The following NEDD4L variants were observed in gnomAD, a reference collection of about 807,000 sequenced individuals.
NEDD4L encodes E3 ubiquitin-protein ligase NEDD4-like.
Under a neutral mutation model 148.9 loss-of-function variants are expected in NEDD4L, and 54 were observed. The observed-to-expected ratio is 0.36, with a 90% confidence interval of 0.29 to 0.45. The LOEUF (loss-of-function observed/expected upper bound fraction) is 0.45, where lower values mean the gene tolerates loss of function less well. Among genes scored for constraint, NEDD4L ranks in the 20% least tolerant of loss-of-function variants. The pLI is 1.00. For synonymous variants in NEDD4L, 433 were observed against 440.7 expected (o/e 0.98, Z 0.22); for missense variants, 856 against 1,233.8 (o/e 0.69, Z 4.59).
intron 5 of NEDD4L, among the ~76,000 whole-genome samples, chr18:58,255,197 C>A (rs1249310685): frequency 6.6e-6 from 1 of 152,144 alleles, no homozygotes; most frequent in Non-Finnish European, 1.5e-5. Context: ...AGATTTATAG[C>A]AGCGTGGCTT....
At chr18:58,192,650 C>T (rs1247280875) in intron 2 of NEDD4L, among the ~76,000 whole-genome samples, 1 of 152,112 alleles carries the variant, frequency 6.6e-6, no homozygotes, top group African/African-American at 2.4e-5. Flanking sequence ...ATGCAGGCAT[C>T]TGTGCTGTCT....
intron 2 of NEDD4L, among the ~76,000 whole-genome samples, chr18:58,174,267 G>A (rs150622552): frequency 6.6e-6 from 1 of 152,070 alleles, no homozygotes; most frequent in African/African-American, 2.4e-5. Context: ...GCAGGCTGCA[G>A]GTAGTATTGG....
chr18:58,328,031 C>G (rs568485593), intron 9 of NEDD4L, among the ~76,000 whole-genome samples: 27 of 151,676 alleles, frequency 1.8e-4, no homozygotes, highest in African/African-American at 6.0e-4. Context: ...GACATGATCT[C>G]TCAGCTCACT....
chr18:58,250,602 G>A (rs951959713), intron 4 of NEDD4L, among the ~76,000 whole-genome samples: 4 of 152,060 alleles, frequency 2.6e-5, no homozygotes, highest in African/African-American at 7.2e-5. Flanking sequence ...GGCAGACCAC[G>A]GACCAGAAGC....
At position 58,384,254 on chromosome 18, in the gene NEDD4L, C is replaced by T. The variant is rs143579432; in HGVS notation, c.2426+935C>T. ...CCTTCCTAATTAGGAAGAAACGGAG[C>T]GTGTTAGAGTCTCTACTCAGAGATC... On this transcript the variant is annotated intron_variant, in intron 25 of 30. Transcript: ENST00000400345. Among the ~76,000 whole-genome samples, 1,201 of 152,294 alleles carry T rather than the reference C, an allele frequency of 7.9e-3. 21 individuals carry two copies. The highest frequency in any genetic ancestry group is 0.027 in the African/African-American group (1,141 of 41,560).
At chr18:58,343,179 G>T (rs1280371124) in intron 16 of NEDD4L, 76 bp downstream of exon 16, 3 of 1,226,132 alleles carry the variant, frequency 2.4e-6, no homozygotes, top group Non-Finnish European at 2.2e-6. Flanking sequence ...CTTAGTGTTT[G>T]TAGTTCTTGC....
intron 22 of NEDD4L, among the ~76,000 whole-genome samples, chr18:58,368,544 G>T (rs565797434): frequency 7.3e-4 from 111 of 152,356 alleles, no homozygotes; most frequent in African/African-American, 2.5e-3. Context: ...GAGCCTGGAG[G>T]TAGAGTGGTT....
At chr18:58,102,675 CTATT>C (rs1301627927) in intron 1 of NEDD4L, among the ~76,000 whole-genome samples, 1 of 152,098 alleles carries the variant, frequency 6.6e-6, no homozygotes, top group African/African-American at 2.4e-5. Flanking sequence ...AGTATCACAT[CTATT>C]TATGTAGCAC....
Position 58,367,929 on chromosome 18 carries a change from T to C in NEDD4L, c.2185+62T>C, listed in dbSNP as rs1434821828. 24 of 1,568,454 alleles carry C rather than the reference T, an allele frequency of 1.5e-5. No individual in the cohort carries two copies. In the Admixed American group the frequency reaches 3.6e-4, roughly 24 times the overall value. ...TTGCGGTTTGCTAGTAGGTGTCTTA[T>C]CTTTCGCATCATGGGTTTTTAAGCA... On this transcript the variant is annotated intron_variant, in intron 22 of 30. Transcript: ENST00000400345.
At chr18:58,184,507 C>T (rs2039224346) in intron 2 of NEDD4L, among the ~76,000 whole-genome samples, 1 of 152,074 alleles carries the variant, frequency 6.6e-6, no homozygotes, top group African/African-American at 2.4e-5. Flanking sequence ...CCTCCTAAGC[C>T]ATCCCTGGAG....
intron 11 of NEDD4L, 34 bp from the exon 12 acceptor site, chr18:58,333,784 T>TA (rs1254969049): frequency 6.5e-7 from 1 of 1,540,520 alleles, no homozygotes; most frequent in Non-Finnish European, 9.0e-7. Context: ...AGAATATATT[T>TA]CTTGATGCTT....
At chr18:58,296,673 A>G (rs1432105642) in intron 5 of NEDD4L, among the ~76,000 whole-genome samples, 3 of 152,066 alleles carry the variant, frequency 2.0e-5, no homozygotes, top group Non-Finnish European at 2.9e-5. Flanking sequence ...TGTAATCCCA[A>G]CACTTTGGGA....
At chr18:58,352,705 TC>T (rs2044067420) in intron 18 of NEDD4L, among the ~76,000 whole-genome samples, 1 of 152,168 alleles carries the variant, frequency 6.6e-6, no homozygotes, top group Admixed American at 6.5e-5. Context: ...TACATCACAA[TC>T]ACAGTTTTAA....
chr18:58,400,588 G>A lies in NEDD4L; in HGVS notation c.*4319G>A. On this transcript the variant is annotated 3_prime_UTR_variant, in exon 31 of 31. Coordinates refer to ENST00000400345, the MANE Select transcript of NEDD4L (RefSeq NM_001144967.3). ...TCCAAGCAAACCTCATTAAACATCT[G>A]TTGTTTGTTAAAGATGTTCCACTGA... The A allele has an allele frequency of 6.6e-6, 1 of 152,152 alleles. No homozygotes were observed. Among genetic ancestry groups the A allele is most frequent in the East Asian group, 1.9e-4 (1 of 5,198 alleles). The allele number at this position is 152,152 out of a possible 1,614,324, so 9.4% of individuals were successfully genotyped here. A position where few individuals can be genotyped will look rare whatever the true frequency, so the allele number is the denominator to read the frequency against.
chr18:58,385,711 C>A, intron 26 of NEDD4L, 125 bp downstream of exon 26: 2 of 768,210 alleles, frequency 2.6e-6, no homozygotes, highest in Non-Finnish European at 4.5e-6. Context: ...GGGGACCCTG[C>A]AGGAAGACCG....
At chr18:58,071,510 T>C (rs2082873743) in intron 1 of NEDD4L, among the ~76,000 whole-genome samples, 1 of 152,106 alleles carries the variant, frequency 6.6e-6, no homozygotes, top group Non-Finnish European at 1.5e-5. Flanking sequence ...TAGTTCAGTC[T>C]GAACAGCAAA....
chr18:58,125,941 C>T (rs1055785247), intron 1 of NEDD4L, among the ~76,000 whole-genome samples: 7 of 152,258 alleles, frequency 4.6e-5, no homozygotes, highest in Admixed American at 6.5e-5. Context: ...TCCCGCCACC[C>T]GGGCATCCGT....
chr18:58,290,992 A>C (rs958955600), intron 5 of NEDD4L, among the ~76,000 whole-genome samples: 5 of 152,092 alleles, frequency 3.3e-5, no homozygotes, highest in Non-Finnish European at 7.4e-5. Context: ...ACAGGGTCAC[A>C]CAGAGAACCA....
chr18:58,108,215 A>G (rs1333739875), intron 1 of NEDD4L, among the ~76,000 whole-genome samples: 2 of 152,172 alleles, frequency 1.3e-5, no homozygotes, highest in African/African-American at 4.8e-5. Context: ...TTATTGAACT[A>G]AAAGCTTTGG....
Sources: gnomAD v4.1 joint callset for allele counts (sites outside exome capture counted in the v4.1 genomes callset) on GRCh38, gnomAD v4.1.1 for gene constraint, MANE v1.5 for transcripts, NCBI Gene and HGNC (gene_info 2026-07-23, HGNC 2026-07-21) for gene names.